Variants in SH3TC1 observed in about 807,000 individuals in gnomAD.
SH3TC1 encodes SH3 domain and tetratricopeptide repeat-containing protein 1.
SH3TC1 carries 135 observed loss-of-function variants against 117.3 expected under a neutral mutation model. That is an observed-to-expected ratio of 1.15 (90% CI 1.00 to 1.33). The LOEUF (loss-of-function observed/expected upper bound fraction) is 1.33. SH3TC1 is among the 40% of genes most tolerant of loss of function. SH3TC1 has a pLI of 0.00. For missense variants in SH3TC1, 2,092 were observed against 1,794.3 expected, an observed-to-expected ratio of 1.17 and a Z score of -3.00; for synonymous variants, 898 against 816.9, an observed-to-expected ratio of 1.10 and a Z score of -1.69.
intron 14 of SH3TC1, among the ~76,000 whole-genome samples, chr4:8,235,035 G>A (rs1367226545): frequency 6.6e-6 from 1 of 152,190 alleles, no homozygotes; most frequent in Non-Finnish European, 1.5e-5. Context: ...GGCCAAGAGG[G>A]GACCAGCCCA....
At position 8,212,820 on chromosome 4, in the gene SH3TC1, G is replaced by C. The variant is rs142579744; in HGVS notation, c.367G>C (p.Val123Leu). 1.3e-6 allele frequency: 2 copies of C among 1,580,254 alleles called. No homozygotes were observed. Among genetic ancestry groups the C allele is most frequent in the South Asian group, 2.3e-5 (2 of 86,440 alleles). The change falls in exon 4 of 18, where the codon GTG becomes CTG. Residue 123 changes from valine (V) to leucine (L), a missense_variant. By Grantham distance (32) the Val-to-Leu change is conservative. Transcript: ENST00000245105. ...LENDSREMARVLGELSARLLS... is the reference protein window; with the variant it reads ...LENDSREMARLLGELSARLLS... ...GAATGATAGCCGGGAGATGGCCCGC[G>C]TGCTTGGGGTGAGTAGCCCTCTGGG... is the stretch of plus-strand genomic sequence containing the variant.
At position 8,205,935 on chromosome 4, in the gene SH3TC1, G is replaced by A. The variant is rs1718168382; in HGVS notation, c.172+569G>A. On this transcript the variant is annotated intron_variant, in intron 2 of 17. Transcript: ENST00000245105. This position sits in a 1 kb window ranked among gnomAD's most constrained non-coding sequence, Gnocchi z 5.4. ...GGAGAGGCAGGGGAGACCAAGGCCT[G>A]CACGGCCCCTCCCGGCAGGAGACAG... is the stretch of plus-strand genomic sequence containing the variant. 1.1e-5 allele frequency: 5 copies of A among 476,020 alleles called. No homozygotes were observed. The highest frequency in any genetic ancestry group is 1.9e-5 in the Non-Finnish European group (5 of 266,550). 29.5% of individuals were successfully genotyped at this position (476,020 alleles called of 1,614,324 possible). A position where few individuals can be genotyped will look rare whatever the true frequency, so the allele number is the denominator to read the frequency against.
rs970775821 is a variant in SH3TC1, at chr4:8,186,472, G to A, written c.-57+4262G>A. On this transcript the variant is annotated intron_variant, in intron 1 of 16. Coordinates refer to the SH3TC1 transcript ENST00000508641. The surrounding 1 kb of genome is among the most constrained non-coding windows in gnomAD (Gnocchi z 5.2). ...AAACTAAGGAAGTCGAGTCGAGTGT[G>A]AATTGTGAGTAAAAATAGCAGGTCC... Among the ~76,000 whole-genome samples, 1 of 152,188 alleles carries A rather than the reference G, an allele frequency of 6.6e-6. No homozygotes were observed. The highest frequency in any genetic ancestry group is 1.5e-5 in the Non-Finnish European group (1 of 68,048).
chr4:8,199,580 A>G (rs1436040396), intron 1 of SH3TC1, among the ~76,000 whole-genome samples, 175 bp downstream of exon 1: 1 of 152,222 alleles, frequency 6.6e-6, no homozygotes, highest in Non-Finnish European at 1.5e-5. Context: ...CACCCTCAGC[A>G]GACCCCACTC....
chr4:8,234,285 A>G (rs1721591686), intron 14 of SH3TC1, among the ~76,000 whole-genome samples: 2 of 151,688 alleles, frequency 1.3e-5, no homozygotes, highest in South Asian at 4.2e-4. Context: ...TTATCCATCC[A>G]TCATTCATCC....
At chr4:8,195,770 C>T (rs1216146662), upstream of SH3TC1, among the ~76,000 whole-genome samples, 2 of 152,100 alleles carry the variant, frequency 1.3e-5, no homozygotes, top group African/African-American at 4.8e-5. Context: ...GAGGTGTGAG[C>T]AGGCTGGAGA....
At chr4:8,219,667 C>A in intron 9 of SH3TC1, 137 bp downstream of exon 9, 1 of 997,384 alleles carries the variant, frequency 1.0e-6, no homozygotes, top group Non-Finnish European at 1.4e-6. Flanking sequence ...CCCTTGTCCT[C>A]AGGCTGCTGC....
intron 5 of SH3TC1, among the ~76,000 whole-genome samples, chr4:8,215,840 G>T (rs1719211942): frequency 6.6e-6 from 1 of 152,240 alleles, no homozygotes; most frequent in Non-Finnish European, 1.5e-5. Context: ...CTCACAGAGG[G>T]GAATATGGAG....
At chr4:8,216,086 G>C (rs10938696) in intron 5 of SH3TC1, 25 bp from the exon 6 acceptor site, 1 of 1,610,846 alleles carries the variant, frequency 6.2e-7, no homozygotes, top group South Asian at 1.1e-5. Flanking sequence ...TGGAGCCCTC[G>C]GGTGACTGGG....
chr4:8,232,179 T>C (rs1327579673), intron 13 of SH3TC1, 23 bp downstream of exon 13: 3 of 77,922 alleles, frequency 3.9e-5, no homozygotes, highest in Middle Eastern at 3.9e-3. Flanking sequence ...TCTGTGGTGG[T>C]GGGGGCGGGG....
chr4:8,200,800 A>T (rs1717782372), intron 1 of SH3TC1, among the ~76,000 whole-genome samples: 1 of 152,314 alleles, frequency 6.6e-6, no homozygotes, highest in East Asian at 1.9e-4. Flanking sequence ...CCTGTGGCTC[A>T]GGGCGCTCCT....
chr4:8,213,428 A>T (rs1472423360), intron 4 of SH3TC1, among the ~76,000 whole-genome samples: 2 of 152,124 alleles, frequency 1.3e-5, no homozygotes, highest in African/African-American at 4.8e-5. Flanking sequence ...CCGGGAGCTG[A>T]CTTGAGGGTT....
chr4:8,190,766 G>A lies in SH3TC1; in HGVS notation c.-57+8556G>A, dbSNP rs755438841. Among the ~76,000 whole-genome samples, 23 of 152,132 alleles carry A rather than the reference G, an allele frequency of 1.5e-4. No homozygotes were observed. Among genetic ancestry groups the A allele is most frequent in the Non-Finnish European group, 2.8e-4 (19 of 67,984 alleles). On this transcript the variant is annotated intron_variant, in intron 1 of 16. Transcript: ENST00000508641. This position sits in a 1 kb window ranked among gnomAD's most constrained non-coding sequence, Gnocchi z 4.7. ...AGCAATGCTCCCACCTCAGCCTCCC[G>A]AGCAGCTGGGACTACAGGCACGCAC...
chr4:8,209,807 G>C lies in SH3TC1; in HGVS notation c.232G>C (p.Gly78Arg), dbSNP rs752482467. ...TGCTGGGACCCCTCCCTGCCAGATG[G>C]GGGTTTATCCCACAGGTAAACATCC... ...PAAGTPPCQM[G>R]VYPTDLTLQL... Residue 78 changes from glycine (G) to arginine (R), a missense_variant, in exon 3 of 18, where the codon GGG becomes CGG. Transcript: ENST00000245105. The surrounding 1 kb of genome is among the most constrained non-coding windows in gnomAD (Gnocchi z 5.9). 5.0e-6 allele frequency: 8 copies of C among 1,613,354 alleles called. No individual in the cohort carries two copies. The highest frequency in any genetic ancestry group is 6.8e-6 in the Non-Finnish European group (8 of 1,179,978).
At chr4:8,200,959 C>A (rs1717791981) in intron 1 of SH3TC1, among the ~76,000 whole-genome samples, 1 of 152,208 alleles carries the variant, frequency 6.6e-6, no homozygotes. Flanking sequence ...ACCCTCATCC[C>A]AAGGGAAGGT....
intron 16 of SH3TC1, chr4:8,237,101 CTGA>C (rs1721889112): frequency 2.2e-5 from 5 of 228,766 alleles, no homozygotes; most frequent in South Asian, 1.7e-4. Flanking sequence ...GTAGGGGACT[CTGA>C]TGATGACACA....
chr4:8,240,824 C>G lies in SH3TC1; in HGVS notation c.3880C>G (p.Arg1294Gly), dbSNP rs142419409. The change falls in exon 18 of 18, where the codon CGT (arginine) becomes GGT (glycine). Residue 1294 changes from arginine to glycine, a missense_variant. Coordinates refer to ENST00000245105, the MANE Select transcript of SH3TC1 (RefSeq NM_018986.5). ...ATIYHNFLLDREKSLFFYQKA... is the reference protein window; with the variant it reads ...ATIYHNFLLDGEKSLFFYQKA... ...CATCTACCACAACTTCCTCCTGGACCGTGAGAAGTCGCTCTTCTTCTACCA... is the reference window on the plus strand; with the variant it reads ...CATCTACCACAACTTCCTCCTGGACGGTGAGAAGTCGCTCTTCTTCTACCA... 1.3e-5 allele frequency: 21 copies of G among 1,614,000 alleles called. No homozygotes were observed. The highest frequency in any genetic ancestry group is 1.7e-5 in the Admixed American group (1 of 60,014).
upstream of SH3TC1, among the ~76,000 whole-genome samples, chr4:8,196,553 AAGCTG>A (rs1717562238): frequency 6.6e-6 from 1 of 152,136 alleles, no homozygotes; most frequent in African/African-American, 2.4e-5. This position sits in a 1 kb window ranked among gnomAD's most constrained non-coding sequence, Gnocchi z 4.6. Flanking sequence ...TTCCACAGGG[AAGCTG>A]CCAGTAGAAT....
At chr4:8,216,083 C>G in intron 5 of SH3TC1, 28 bp from the exon 6 acceptor site, 1 of 1,610,506 alleles carries the variant, frequency 6.2e-7, no homozygotes, top group Non-Finnish European at 8.5e-7. Context: ...TTCTGGAGCC[C>G]TCGGGTGACT....
Sources: allele counts gnomAD v4.1 joint callset (sites outside exome capture counted in the v4.1 genomes callset), GRCh38; gene constraint gnomAD v4.1.1; non-coding constraint Gnocchi (gnomAD v3.1); transcripts MANE v1.5; gene names NCBI Gene and HGNC (gene_info 2026-07-23, HGNC 2026-07-21).